The following GALNT18 variants were observed in gnomAD, a reference collection of about 807,000 sequenced individuals.
GALNT18 encodes GalNAc-transferase 18.
A neutral mutation model predicts 69.5 loss-of-function variants in GALNT18; 44 were observed. The observed-to-expected ratio is 0.63, with a 90% CI of 0.50 to 0.81. The LOEUF is 0.81. Among genes scored for constraint, GALNT18 ranks in the 40% least tolerant of loss-of-function variants. The probability of loss-of-function intolerance (pLI) is 0.00; values close to 1 mark genes in which losing one functional copy is unlikely to be tolerated. For synonymous variants in GALNT18, 364 were observed against 318.2 expected (o/e 1.14, Z -1.53); for missense variants, 715 against 810.0 (o/e 0.88, Z 1.42).
chr11:11,277,189 GC>G (rs1848967839), intron 10 of GALNT18, among the ~76,000 whole-genome samples: 1 of 152,080 alleles, frequency 6.6e-6, no homozygotes, highest in East Asian at 1.9e-4. Flanking sequence ...CAATTTCAGA[GC>G]CTGTTATTGG....
At position 11,319,797 on chromosome 11, in the gene GALNT18, C is replaced by T. The variant is rs1450120277; in HGVS notation, c.1512+7289G>A. Among the ~76,000 whole-genome samples the T allele has an allele frequency of 4.6e-5, 7 of 152,156 alleles. No homozygotes were observed. The East Asian group carries it at 1.2e-3, about 25-fold the overall frequency. ...ACTTTGGAAGGAGTTTTAACGTCCC[C>T]CTTAAATCTGTTCTCTTTTTAAGCT... is the stretch of plus-strand genomic sequence containing the variant. On this transcript the variant is annotated intron_variant, in intron 9 of 10. Transcript: ENST00000227756.
At chr11:11,352,241 G>A (rs1232378350) in intron 6 of GALNT18, 5 of 1,613,984 alleles carry the variant, frequency 3.1e-6, no homozygotes. Context: ...CCTCAGGGCT[G>A]ACAAGGTGCT....
intron 1 of GALNT18, among the ~76,000 whole-genome samples, chr11:11,577,044 G>A (rs7105429): frequency 0.38 from 57,960 of 151,796 alleles, 12,830 homozygotes; most frequent in East Asian, 0.66. Flanking sequence ...CCTCGATGCA[G>A]GCTCACGTAT....
chr11:11,285,180 GCAGCGA>G (rs1198014471), intron 10 of GALNT18, among the ~76,000 whole-genome samples: 1 of 152,116 alleles, frequency 6.6e-6, no homozygotes, highest in Non-Finnish European at 1.5e-5. Context: ...AACTCCCATT[GCAGCGA>G]TCCACTGGTT....
rs11021808 is a variant in GALNT18, at chr11:11,337,427, C to T, written c.1278+3392G>A. 1.3e-5 allele frequency among the ~76,000 whole-genome samples: 2 copies of T among 152,136 alleles called. No homozygotes were observed. The highest frequency in any genetic ancestry group is 2.1e-4 in the South Asian group (1 of 4,820). ...TGAAGAACTTTCCCAAAAAACAGAT[C>T]CCAGAGGCCCCTTCCAAACCAGTTA... On this transcript the variant is annotated intron_variant, in intron 7 of 10. Coordinates refer to ENST00000227756, the MANE Select transcript of GALNT18 (RefSeq NM_198516.3). This position sits in a 1 kb window ranked among gnomAD's most constrained non-coding sequence, Gnocchi z 4.9.
rs146314923 is a variant in GALNT18 at position 11,311,988 on chromosome 11, G to A, written c.1512+15098C>T. 6.6e-5 allele frequency among the ~76,000 whole-genome samples: 10 copies of A among 152,256 alleles called. No homozygotes were observed. In the East Asian group the frequency reaches 1.4e-3, roughly 21 times the overall value. ...TTTCCTTTTTTTGAGACGGAGTCTC[G>A]CTCTGTTGCCCAGGCTGGAGTGCAG... On this transcript the variant is annotated intron_variant, in intron 9 of 10. Coordinates refer to ENST00000227756, the MANE Select transcript of GALNT18 (RefSeq NM_198516.3).
chr11:11,282,334 G>A (rs988600528), intron 10 of GALNT18, among the ~76,000 whole-genome samples: 3 of 152,162 alleles, frequency 2.0e-5, no homozygotes, highest in Admixed American at 1.3e-4. Flanking sequence ...GAGATGAGAG[G>A]AATAACAACT....
intron 3 of GALNT18, among the ~76,000 whole-genome samples, chr11:11,428,570 G>T (rs946216939): frequency 2.6e-5 from 4 of 152,168 alleles, no homozygotes; most frequent in Admixed American, 6.5e-5. Flanking sequence ...TTTATTTTCG[G>T]AGGCAACTCT....
rs534951905 is a variant in GALNT18, at chr11:11,450,608, C to T, written c.236-1672G>A. 5.9e-5 allele frequency among the ~76,000 whole-genome samples: 9 copies of T among 152,284 alleles called. No individual in the cohort carries two copies. In the South Asian group the frequency reaches 1.5e-3, roughly 25 times the overall value. ...GATCTGTCAACAAACTCCCAGGTGCCGAACTCACTGGGTGCACATGCATTA... is the reference window on the plus strand; with the variant it reads ...GATCTGTCAACAAACTCCCAGGTGCTGAACTCACTGGGTGCACATGCATTA... On this transcript the variant is annotated intron_variant, in intron 1 of 10. Transcript: ENST00000227756.
At chr11:11,277,748 TTTG>T (rs758909383) in intron 10 of GALNT18, among the ~76,000 whole-genome samples, 2 of 152,214 alleles carry the variant, frequency 1.3e-5, no homozygotes, top group Non-Finnish European at 2.9e-5. Context: ...CTGCCTTCAT[TTTG>T]TTATTTACCC....
intron 1 of GALNT18, among the ~76,000 whole-genome samples, chr11:11,565,372 A>G (rs1858619677): frequency 6.6e-6 from 1 of 152,212 alleles, no homozygotes; most frequent in Non-Finnish European, 1.5e-5. Context: ...GCGGTGGCAG[A>G]GGAGCAGTGG....
intron 1 of GALNT18, among the ~76,000 whole-genome samples, chr11:11,534,267 G>A (rs970454257): frequency 6.6e-5 from 10 of 152,184 alleles, no homozygotes; most frequent in African/African-American, 2.4e-4. Flanking sequence ...CCCTGAGGGA[G>A]GCTGATATTC....
chr11:11,541,785 C>CCTT lies in GALNT18; in HGVS notation c.235+79573_235+79574insAAG, dbSNP rs5789690. On this transcript the variant is annotated intron_variant, in intron 1 of 10. Coordinates refer to ENST00000227756, the MANE Select transcript of GALNT18 (RefSeq NM_198516.3). The surrounding 1 kb of genome is among the most constrained non-coding windows in gnomAD (Gnocchi z 4.8). ...GAGAAAGATGCTCAGACTACCCTCT[C>CCTT]CTGGAACTTTCCACGTGAGCCTAGG... is the stretch of plus-strand genomic sequence containing the variant. Among the ~76,000 whole-genome samples the CCTT allele has an allele frequency of 1, 151,496 of 152,162 alleles. 75,420 individuals carry two copies. The highest frequency in any genetic ancestry group is 1 in the Middle Eastern group (294 of 294).
chr11:11,274,242 A>G (rs1166374888), intron 10 of GALNT18, among the ~76,000 whole-genome samples: 1 of 152,192 alleles, frequency 6.6e-6, no homozygotes, highest in African/African-American at 2.4e-5. Flanking sequence ...CAAGCACAAA[A>G]CAGGGTGGCT....
At chr11:11,438,182 C>A (rs1328901699) in intron 2 of GALNT18, among the ~76,000 whole-genome samples, 1 of 152,226 alleles carries the variant, frequency 6.6e-6, no homozygotes, top group Non-Finnish European at 1.5e-5. Flanking sequence ...TCTGGCCTTA[C>A]TCAGATACAT....
At chr11:11,357,295 T>A (rs1850551012) in intron 6 of GALNT18, among the ~76,000 whole-genome samples, 1 of 152,008 alleles carries the variant, frequency 6.6e-6, no homozygotes, top group Admixed American at 6.6e-5. Context: ...GTCAAGTCTG[T>A]ACTTTCTCAA....
rs1255701045 is a variant in GALNT18, at chr11:11,613,962, G to C, written c.235+7397C>G. On this transcript the variant is annotated intron_variant, in intron 1 of 10. Transcript: ENST00000227756. This position sits in a 1 kb window ranked among gnomAD's most constrained non-coding sequence, Gnocchi z 4.2. Reference sequence around the variant, plus strand: ...CGGGTTTTCCCTCCAGGAACTTTCTGTGTAACATCACCTCCAGCTGTACTG... The same window carrying C: ...CGGGTTTTCCCTCCAGGAACTTTCTCTGTAACATCACCTCCAGCTGTACTG... 2.0e-5 allele frequency among the ~76,000 whole-genome samples: 3 copies of C among 152,102 alleles called. No individual in the cohort carries two copies. The highest frequency in any genetic ancestry group is 4.4e-5 in the Non-Finnish European group (3 of 68,022).
Position 11,600,234 on chromosome 11 carries a change from G to T in GALNT18, c.235+21125C>A, listed in dbSNP as rs968700466. 1.3e-5 allele frequency among the ~76,000 whole-genome samples: 2 copies of T among 151,950 alleles called. No homozygotes were observed. The highest frequency in any genetic ancestry group is 4.8e-5 in the African/African-American group (2 of 41,414). On this transcript the variant is annotated intron_variant, in intron 1 of 10. Transcript: ENST00000227756. This position sits in a 1 kb window ranked among gnomAD's most constrained non-coding sequence, Gnocchi z 4.8. ...ATAATTACCTTTAGTGGTGCTCTTT[G>T]TCTCTTCTGTGAATTTGAATTACTG...
intron 1 of GALNT18, among the ~76,000 whole-genome samples, chr11:11,477,364 G>A (rs1236340543): frequency 6.6e-6 from 1 of 152,218 alleles, no homozygotes; most frequent in Non-Finnish European, 1.5e-5. Context: ...TATCAAAGAA[G>A]CTGCAGTCAC....
Sources: gnomAD v4.1 joint callset for allele counts (sites outside exome capture counted in the v4.1 genomes callset) on GRCh38, gnomAD v4.1.1 for gene constraint, Gnocchi (gnomAD v3.1) non-coding constraint, MANE v1.5 for transcripts, NCBI Gene and HGNC (gene_info 2026-07-23, HGNC 2026-07-21) for gene names.